Variants in IAPP observed in about 807,000 individuals in gnomAD.
The protein encoded by IAPP is Islet amyloid polypeptide (diabetes-associated peptide; amylin).
Under a neutral mutation model 2.9 loss-of-function variants are expected in IAPP, and 4 were observed. That is an observed-to-expected ratio of 1.39 (90% confidence interval 0.69 to 3.19). The LOEUF is 3.19. Ranked by LOEUF, IAPP falls within the 30% of genes most tolerant of loss-of-function variation. The probability of loss-of-function intolerance (pLI) is 0.01; values close to 1 mark genes in which losing one functional copy is unlikely to be tolerated. For missense variants in IAPP, 114 were observed against 105.3 expected (o/e 1.08, Z -0.36); for synonymous variants, 40 against 42.1 (o/e 0.95, Z 0.19).
Position 21,379,389 on chromosome 12 carries a change from T to C in IAPP, c.*963T>C, listed in dbSNP as rs772267580. ...GTCATTTATTTTGTTTAAGTGGCTT[T>C]CAGCAAACCTCAGTCATATTCTTAT... On this transcript the variant is annotated 3_prime_UTR_variant, in exon 3 of 3. Transcript: ENST00000240652. 2.6e-5 allele frequency: 4 copies of C among 152,222 alleles called. No individual in the cohort carries two copies. The highest frequency in any genetic ancestry group is 4.8e-5 in the African/African-American group (2 of 41,462). 9.4% of individuals were successfully genotyped at this position (152,222 alleles called of 1,614,324 possible). A position where few individuals can be genotyped will look rare whatever the true frequency, so the allele number is the denominator to read the frequency against.
rs1940372238 is a variant in IAPP, at chr12:21,378,472, C to T, written c.*46C>T. On this transcript the variant is annotated 3_prime_UTR_variant, in exon 3 of 3. Coordinates refer to ENST00000240652, the MANE Select transcript of IAPP (RefSeq NM_000415.3). ...TTATTGTTTTATGTTCTAGTGATTTCCTGTATAATTTAACAGTGCCCTTTT... is the reference window on the plus strand; with the variant it reads ...TTATTGTTTTATGTTCTAGTGATTTTCTGTATAATTTAACAGTGCCCTTTT... 6.7e-7 allele frequency: 1 copy of T among 1,496,944 alleles called. No individual in the cohort carries two copies. The highest frequency in any genetic ancestry group is 9.3e-7 in the Non-Finnish European group (1 of 1,073,570). The allele number at this position is 1,496,944 out of a possible 1,614,324, so 92.7% of individuals were successfully genotyped here.
rs1200804343 is a variant in IAPP at position 21,378,292 on chromosome 12, G to A, written c.136G>A (p.Ala46Thr). The change falls in exon 3 of 3, where the codon GCA (alanine) becomes ACA (threonine). Residue 46 changes from alanine to threonine, a missense_variant. Ala to Thr is a moderately conservative substitution (Grantham distance 58). Coordinates refer to ENST00000240652, the MANE Select transcript of IAPP (RefSeq NM_000415.3). ...NTATCATQRL[A>T]NFLVHSSNNF... ...TGCCACATGTGCAACGCAGCGCCTG[G>A]CAAATTTTTTAGTTCATTCCAGCAA... is the stretch of plus-strand genomic sequence containing the variant. 1 of 1,614,184 alleles carries A rather than the reference G, an allele frequency of 6.2e-7. No homozygotes were observed. The highest frequency in any genetic ancestry group is 8.5e-7 in the Non-Finnish European group (1 of 1,180,022).
Position 21,376,409 on chromosome 12 carries a change from C to T in IAPP, c.81-1828C>T, listed in dbSNP as rs1357289918. On this transcript the variant is annotated intron_variant, in intron 2 of 2. Transcript: ENST00000240652. ...ATGCAAATGTATGAAATTACTAGTT[C>T]AATCCTTAAAGCATAAATCACTCTT... 4 of 259,124 alleles carry T rather than the reference C, an allele frequency of 1.5e-5. No individual in the cohort carries two copies. In the East Asian group the frequency reaches 4.8e-4, roughly 31 times the overall value. The allele number at this position is 259,124 out of a possible 1,614,324, so 16.1% of individuals were successfully genotyped here. A position where few individuals can be genotyped will look rare whatever the true frequency, so the allele number is the denominator to read the frequency against.
chr12:21,363,768 C>T (rs189106057), intron 1 of IAPP, among the ~76,000 whole-genome samples: 1 of 152,172 alleles, frequency 6.6e-6, no homozygotes, highest in Admixed American at 6.5e-5. Context: ...ACTATAAACA[C>T]CTCTGTGCAA....
intron 2 of IAPP, among the ~76,000 whole-genome samples, chr12:21,375,367 T>C (rs1225448976): frequency 6.6e-6 from 1 of 152,222 alleles, no homozygotes; most frequent in Non-Finnish European, 1.5e-5. Context: ...TCATGTACTA[T>C]TCTACATATC....
At chr12:21,367,738 A>G (rs1255010408) in intron 1 of IAPP, among the ~76,000 whole-genome samples, 3 of 152,112 alleles carry the variant, frequency 2.0e-5, no homozygotes, top group East Asian at 1.9e-4. Flanking sequence ...CTATCAAAGT[A>G]CCGAGACTAC....
intron 1 of IAPP, among the ~76,000 whole-genome samples, chr12:21,360,450 T>C (rs148469054): frequency 6.0e-4 from 92 of 152,328 alleles, no homozygotes; most frequent in African/African-American, 2.2e-3. Context: ...GATGGCCGAA[T>C]AGGAACAGCT....
chr12:21,358,509 C>A (rs1938551105), intron 1 of IAPP, among the ~76,000 whole-genome samples: 1 of 152,062 alleles, frequency 6.6e-6, no homozygotes, highest in African/African-American at 2.4e-5. Flanking sequence ...TTAGTACTAA[C>A]ACAAAAAGTA....
intron 1 of IAPP, among the ~76,000 whole-genome samples, chr12:21,360,691 T>C (rs1938778171): frequency 6.6e-6 from 1 of 152,230 alleles, no homozygotes; most frequent in South Asian, 2.1e-4. Context: ...CCCACCCTAA[T>C]ACTGCTCTTT....
At chr12:21,357,191 T>A (rs1938436114) in intron 1 of IAPP, among the ~76,000 whole-genome samples, 1 of 152,056 alleles carries the variant, frequency 6.6e-6, no homozygotes, top group Admixed American at 6.6e-5. Flanking sequence ...GTAAACAGAG[T>A]TATTTCCAAA....
chr12:21,372,814 T>G (rs1939897376), upstream of IAPP: 1 of 159,678 alleles, frequency 6.3e-6, no homozygotes, highest in South Asian at 1.8e-4. Flanking sequence ...GGGATGGAAA[T>G]TAATGACAGA....
intron 1 of IAPP, among the ~76,000 whole-genome samples, chr12:21,355,557 A>T (rs543276289): frequency 6.6e-6 from 1 of 152,282 alleles, no homozygotes; most frequent in African/African-American, 2.4e-5. Context: ...AGCTGATGTG[A>T]GTTTCCTATA....
In IAPP at chr12:21,358,628, A is replaced by G. The variant is rs1938563970; in HGVS notation, c.-16+3615A>G. On this transcript the variant is annotated intron_variant, in intron 1 of 2. Transcript: ENST00000539393. The stretch of plus-strand genomic sequence containing the variant: ...TTTTATCACTAGTTAATACTTTTCA[A>G]TTTTTAGTTCCTTTTTAATTTTTTA... Among the ~76,000 whole-genome samples, 6 of 152,244 alleles carry G rather than the reference A, an allele frequency of 3.9e-5. No individual in the cohort carries two copies. In the South Asian group the frequency reaches 1.2e-3, roughly 32 times the overall value.
Position 21,361,820 on chromosome 12 carries a change from T to C in IAPP, c.-16+6807T>C, listed in dbSNP as rs541363454. On this transcript the variant is annotated intron_variant, in intron 1 of 2. Coordinates refer to the IAPP transcript ENST00000539393. Reference sequence around the variant, plus strand: ...GTGATTGAAGATCAAATGAATGAAATGCAGGGAGAAGAGAAGTTTAGAGAA... The same window carrying C: ...GTGATTGAAGATCAAATGAATGAAACGCAGGGAGAAGAGAAGTTTAGAGAA... Among the ~76,000 whole-genome samples the C allele has an allele frequency of 1.1e-3, 167 of 152,076 alleles. 4 individuals are homozygous for C. In the South Asian group the frequency reaches 0.016, roughly 14 times the overall value.
Position 21,379,742 on chromosome 12 carries a change from T to TA in IAPP, c.*1323dup, listed in dbSNP as rs1565524042. The TA allele has an allele frequency of 6.6e-6, 1 of 152,102 alleles. No homozygotes were observed. The highest frequency in any genetic ancestry group is 1.5e-5 in the Non-Finnish European group (1 of 68,012). 9.4% of individuals were successfully genotyped at this position (152,102 alleles called of 1,614,324 possible). ...TCTAAAGACACTCAACTTGTACTTT[T>TA]AAAAAAATAGAAAAAATAAGCATTT... is the stretch of plus-strand genomic sequence containing the variant. On this transcript the variant is annotated 3_prime_UTR_variant, in exon 3 of 3. Transcript: ENST00000240652.
chr12:21,363,214 T>A (rs1939077036), intron 1 of IAPP, among the ~76,000 whole-genome samples: 1 of 152,128 alleles, frequency 6.6e-6, no homozygotes, highest in South Asian at 2.1e-4. Context: ...CACAGTGCAA[T>A]CAAACTAGAA....
At chr12:21,374,180 C>CT (rs1940013536) in intron 2 of IAPP, among the ~76,000 whole-genome samples, 1 of 152,090 alleles carries the variant, frequency 6.6e-6, no homozygotes, top group African/African-American at 2.4e-5. Context: ...TAATTAAGGA[C>CT]ATCTAACAAC....
chr12:21,363,595 A>G lies in IAPP; in HGVS notation c.-16+8582A>G, dbSNP rs1296899091. 9.8e-5 allele frequency among the ~76,000 whole-genome samples: 15 copies of G among 152,332 alleles called. No homozygotes were observed. The East Asian group carries it at 2.9e-3, about 29-fold the overall frequency. ...ACACAAAAAAACCCTTCAAAAAATA[A>G]ATTAAGCCAGGAGCTGGTTTTTGGA... is the stretch of plus-strand genomic sequence containing the variant. On this transcript the variant is annotated intron_variant, in intron 1 of 2. Coordinates refer to the IAPP transcript ENST00000539393.
At chr12:21,358,527 AT>A (rs545389703) in intron 1 of IAPP, among the ~76,000 whole-genome samples, 92 of 152,238 alleles carry the variant, frequency 6.0e-4, no homozygotes, top group African/African-American at 2.1e-3. Flanking sequence ...GTATTATAAT[AT>A]TTTTGTTTTA....
Sources: allele counts gnomAD v4.1 joint callset (sites outside exome capture counted in the v4.1 genomes callset), GRCh38; gene constraint gnomAD v4.1.1; transcripts MANE v1.5; gene names NCBI Gene and HGNC (gene_info 2026-07-23, HGNC 2026-07-21).